Variants in TJP3 observed in about 807,000 individuals in gnomAD.
TJP3 encodes tight junction protein ZO-3.
Under a neutral mutation model 104.2 loss-of-function variants are expected in TJP3, and 85 were observed. The ratio of observed to expected loss-of-function variants is 0.82; its 90% CI spans 0.68 to 0.98. The LOEUF (loss-of-function observed/expected upper bound fraction) is 0.98. Ranked by LOEUF, TJP3 falls within the 50% of genes least tolerant of loss-of-function variation. TJP3 has a pLI of 0.00. For synonymous variants in TJP3, 550 were observed against 550.6 expected, an observed-to-expected ratio of 1.00 and a Z score of 0.02; for missense variants, 1,367 against 1,322.8, an observed-to-expected ratio of 1.03 and a Z score of -0.52.
intron 11 of TJP3, among the ~76,000 whole-genome samples, chr19:3,738,189 GACT>G (rs774553079): frequency 3.9e-5 from 6 of 152,198 alleles, no homozygotes; most frequent in Non-Finnish European, 7.3e-5. Context: ...TGACTACTGT[GACT>G]ACGTCTGAGT....
rs1280497168 is a variant in TJP3, at chr19:3,750,596, A to G, written c.2672A>G (p.Glu891Gly). 3 of 1,606,896 alleles carry G rather than the reference A, an allele frequency of 1.9e-6. No individual in the cohort carries two copies. Among genetic ancestry groups the G allele is most frequent in the South Asian group, 2.2e-5 (2 of 89,704 alleles). ...CTGATCCCCAGAACCTATGAACGGGAAGCCCTGAAGAAAAAGTTTATGCGA... is the reference window on the plus strand; with the variant it reads ...CTGATCCCCAGAACCTATGAACGGGGAGCCCTGAAGAAAAAGTTTATGCGA... ...RQDSMRTYER[E>G]ALKKKFMRVH... Residue 891 changes from glutamate (E) to glycine (G), a missense_variant, in exon 21 of 21, where the codon GAA becomes GGA. Transcript: ENST00000541714.
intron 7 of TJP3, 166 bp from the exon 8 acceptor site, chr19:3,734,161 A>G (rs547122072): frequency 1.1e-6 from 1 of 869,756 alleles, no homozygotes; most frequent in East Asian, 2.5e-5. Flanking sequence ...AGCTGGGATT[A>G]TAGGCGTGAG....
At chr19:3,715,374 C>A (rs1314515250) in intron 1 of TJP3, among the ~76,000 whole-genome samples, 1 of 152,122 alleles carries the variant, frequency 6.6e-6, no homozygotes, top group Non-Finnish European at 1.5e-5. Context: ...CAGGTGTGAG[C>A]CACCGCGCCC....
intron 18 of TJP3, among the ~76,000 whole-genome samples, chr19:3,747,123 T>G (rs1432924816): frequency 6.6e-6 from 1 of 152,006 alleles, no homozygotes; most frequent in Non-Finnish European, 1.5e-5. Context: ...TACAGTGGTG[T>G]GATCTCAGCT....
Position 3,736,240 on chromosome 19 carries a change from C to A in TJP3, c.1203C>A (p.Asp401Glu). The change falls in exon 11 of 21, where the codon GAC becomes GAA. Residue 401 changes from aspartate to glutamate, a missense_variant. Physicochemically the swap from Asp to Glu is conservative, Grantham distance 45. Coordinates refer to ENST00000541714, the MANE Select transcript of TJP3 (RefSeq NM_001267560.2). ...SIGLRLAGGNDVGIFVSGVQA... is the reference protein window; with the variant it reads ...SIGLRLAGGNEVGIFVSGVQA... ...GGCTGCGGCTGGCAGGGGGCAATGA[C>A]GTGGGCATCTTCGTGTCCGGGGTGC... 1 of 1,579,734 alleles carries A rather than the reference C, an allele frequency of 6.3e-7. No homozygotes were observed. Among genetic ancestry groups the A allele is most frequent in the Non-Finnish European group, 8.6e-7 (1 of 1,162,970 alleles).
At chr19:3,721,057 C>T (rs563446070) in intron 1 of TJP3, among the ~76,000 whole-genome samples, 75 of 152,106 alleles carry the variant, frequency 4.9e-4, no homozygotes, top group Non-Finnish European at 9.4e-4. Flanking sequence ...TGCGCCACCA[C>T]GCCCGGCTAA....
rs145549896 is a variant in TJP3 at position 3,747,995 on chromosome 19, C to G, written c.2524C>G (p.Leu842Val). Residue 842 changes from leucine (L) to valine (V), a missense_variant, in exon 19 of 21, where the codon CTG becomes GTG. Leu to Val is a conservative substitution (Grantham distance 32, BLOSUM62 1). Transcript: ENST00000541714. ...GGATGATGAGCCCCCGGCTCCAGCCCTGGCCCGGTCCTCGGAGCCCGTGCA... is the reference window on the plus strand; with the variant it reads ...GGATGATGAGCCCCCGGCTCCAGCCGTGGCCCGGTCCTCGGAGCCCGTGCA... The part of the protein sequence containing the change: ...DVDDEPPAPA[L>V]ARSSEPVQAD... 1.9e-6 allele frequency: 3 copies of G among 1,611,158 alleles called. No individual in the cohort carries two copies. The highest frequency in any genetic ancestry group is 1.3e-5 in the African/African-American group (1 of 75,034).
chr19:3,710,371 A>G (rs1454222500), intron 1 of TJP3, among the ~76,000 whole-genome samples: 1 of 152,094 alleles, frequency 6.6e-6, no homozygotes, highest in African/African-American at 2.4e-5. Context: ...CGCACAGCCA[A>G]GTAGAAATGT....
intron 14 of TJP3, among the ~76,000 whole-genome samples, chr19:3,741,965 C>T (rs141356877): frequency 0.033 from 5,057 of 151,638 alleles, 135 homozygotes; most frequent in Non-Finnish European, 0.047. Context: ...AGCAAAACTC[C>T]GTCTCAAAAA....
At chr19:3,737,023 G>A (rs2036747636) in intron 11 of TJP3, among the ~76,000 whole-genome samples, 1 of 150,830 alleles carries the variant, frequency 6.6e-6, no homozygotes, top group East Asian at 2.0e-4. Context: ...GGGATCACAG[G>A]TGGCCGCCAC....
Position 3,731,995 on chromosome 19 carries a change from C to T in TJP3, c.674C>T (p.Ala225Val). Reference sequence around the variant, plus strand: ...AAGCACATTACAGATTCGGGCCTGGCTGCCCGGCACCGTGGGCTGCAGGAA... The same window carrying T: ...AAGCACATTACAGATTCGGGCCTGGTTGCCCGGCACCGTGGGCTGCAGGAA... Reference protein sequence around the residue: ...FIKHITDSGLAARHRGLQEGD... With the variant: ...FIKHITDSGLVARHRGLQEGD... The change falls in exon 6 of 21, where the codon GCT (alanine) becomes GTT (valine). Residue 225 changes from alanine to valine, a missense_variant. Transcript: ENST00000541714. The T allele has an allele frequency of 1.2e-6, 2 of 1,613,574 alleles. No individual in the cohort carries two copies. The highest frequency in any genetic ancestry group is 2.2e-5 in the South Asian group (2 of 90,988).
At chr19:3,736,777 T>C (rs11669481) in intron 11 of TJP3, among the ~76,000 whole-genome samples, 47,350 of 151,828 alleles carry the variant, frequency 0.31, 7,815 homozygotes, top group Admixed American at 0.49. Context: ...GGTTTCGCCA[T>C]GTTGGCCAGG....
intron 13 of TJP3, 129 bp from the exon 14 acceptor site, chr19:3,740,423 C>T (rs1599159828): frequency 2.3e-6 from 1 of 433,540 alleles, no homozygotes; most frequent in East Asian, 3.5e-5. Context: ...TAATAATAAT[C>T]CCATCTGCAG....
rs2145696846 is a variant in TJP3, at chr19:3,740,650, T to C, written c.1730T>C (p.Leu577Pro). 1 of 1,605,150 alleles carries C rather than the reference T, an allele frequency of 6.2e-7. No homozygotes were observed. Among genetic ancestry groups the C allele is most frequent in the East Asian group, 2.2e-5 (1 of 44,534 alleles). Residue 577 changes from leucine (L) to proline (P), a missense_variant, in exon 14 of 21, where the codon CTG (leucine) becomes CCG (proline). Physicochemically the swap from Leu to Pro is moderately conservative, Grantham distance 98. Transcript: ENST00000541714. The part of the protein sequence containing the change: ...GSNARAEFWR[L>P]RGLRRGAKKT... The stretch of plus-strand genomic sequence containing the variant: ...AATGCTCGGGCCGAGTTCTGGCGGC[T>C]GCGGGGTCTTCGTCGAGGAGCCAAG...
intron 13 of TJP3, among the ~76,000 whole-genome samples, chr19:3,739,981 C>T (rs1454143554): frequency 6.6e-6 from 1 of 152,122 alleles, no homozygotes; most frequent in Non-Finnish European, 1.5e-5. Flanking sequence ...CGCCTGTAAT[C>T]CCAGCACTTT....
Position 3,711,146 on chromosome 19 carries a change from A to G in TJP3, c.-10+2585A>G, listed in dbSNP as rs1436637044. Among the ~76,000 whole-genome samples, 4 of 61,822 alleles carry G rather than the reference A, an allele frequency of 6.5e-5. 2 individuals are homozygous for G. The highest frequency in any genetic ancestry group is 1.1e-4 in the African/African-American group (2 of 17,908). The allele number at this position is 61,822 out of a possible 152,430, so 40.6% of individuals were successfully genotyped here. A position where few individuals can be genotyped will look rare whatever the true frequency, so the allele number is the denominator to read the frequency against. On this transcript the variant is annotated intron_variant, in intron 1 of 20. Transcript: ENST00000541714. The stretch of plus-strand genomic sequence containing the variant: ...TCTCTCCTGACCTTGTGATCCGCCC[A>G]CCTCAGCCTCCCAAAGTGCTGGGAT...
rs1306853300 is a variant in TJP3, at chr19:3,718,465, TTTG to T, written c.-10+9905_-10+9907del. Among the ~76,000 whole-genome samples the T allele has an allele frequency of 1.1e-4, 17 of 150,204 alleles. No homozygotes were observed. In the South Asian group the frequency reaches 1.7e-3, roughly 15 times the overall value. On this transcript the variant is annotated intron_variant, in intron 1 of 20. Coordinates refer to ENST00000541714, the MANE Select transcript of TJP3 (RefSeq NM_001267560.2). Reference sequence around the variant, plus strand: ...TTTTCTTTTCTTGCGGTTTTTTTTTTTTGGGGTGGTGGGGGGCGGGGTGGACAG... The same window carrying T: ...TTTTCTTTTCTTGCGGTTTTTTTTTTGGGTGGTGGGGGGCGGGGTGGACAG...
rs566136833 is a variant in TJP3, at chr19:3,730,540, G to A, written c.447G>A (p.Pro149=). 2.4e-5 allele frequency: 38 copies of A among 1,601,484 alleles called. No individual in the cohort carries two copies. The highest frequency in any genetic ancestry group is 1.8e-4 in the Middle Eastern group (1 of 5,556). ...GRSWDERSRR[P]RPGRRGRAGS... is the part of the protein sequence containing the mutation. Reference sequence around the variant, plus strand: ...CCTGGGACGAGCGCTCCCGCCGGCCGAGGCCTGGTCGCCGGGGCCGGGCCG... The same window carrying A: ...CCTGGGACGAGCGCTCCCGCCGGCCAAGGCCTGGTCGCCGGGGCCGGGCCG... Residue 149 remains proline, a synonymous_variant, in exon 5 of 21, where the codon CCG becomes CCA. Transcript: ENST00000541714. The surrounding 1 kb of genome is among the most constrained non-coding windows in gnomAD (Gnocchi z 7.3).
intron 18 of TJP3, among the ~76,000 whole-genome samples, chr19:3,747,465 G>A (rs2145706515): frequency 6.6e-6 from 1 of 152,246 alleles, no homozygotes; most frequent in East Asian, 2.0e-4. Context: ...AACCCGGGAG[G>A]CAGAGGTTGC....
Sources: gnomAD v4.1 joint callset for allele counts (sites outside exome capture counted in the v4.1 genomes callset) on GRCh38, gnomAD v4.1.1 for gene constraint, Gnocchi (gnomAD v3.1) non-coding constraint, MANE v1.5 for transcripts, NCBI Gene and HGNC (gene_info 2026-07-23, HGNC 2026-07-21) for gene names.